Variants in MGAT5B observed in about 807,000 individuals in gnomAD.
MGAT5B encodes N-acetylglucosaminyl-transferase Vb.
MGAT5B carries 54 observed loss-of-function variants against 95.1 expected under a neutral mutation model. The ratio of observed to expected loss-of-function variants is 0.57; its 90% CI spans 0.46 to 0.71. The LOEUF is 0.71. Ranked by LOEUF, MGAT5B falls within the 30% of genes least tolerant of loss-of-function variation. MGAT5B has a pLI of 0.00. For synonymous variants in MGAT5B, 464 were observed against 451.0 expected (o/e 1.03, Z -0.36); for missense variants, 935 against 1,088.6 (o/e 0.86, Z 1.99).
chr17:76,900,530 G>A (rs1598928668), intron 3 of MGAT5B, among the ~76,000 whole-genome samples: 1 of 152,242 alleles, frequency 6.6e-6, no homozygotes, highest in African/African-American at 2.4e-5. Context: ...GTGTGAAGGC[G>A]GAGGCAGAGG....
chr17:76,942,892 G>C (rs766878911), intron 15 of MGAT5B, among the ~76,000 whole-genome samples: 6 of 152,178 alleles, frequency 3.9e-5, no homozygotes, highest in Non-Finnish European at 8.8e-5. Flanking sequence ...AATCCTCTAA[G>C]ACTTCTCCTG....
chr17:76,917,724 G>T lies in MGAT5B; in HGVS notation c.1026-7242G>T, dbSNP rs1386551187. Among the ~76,000 whole-genome samples the T allele has an allele frequency of 1.3e-5, 2 of 152,084 alleles. No homozygotes were observed. Among genetic ancestry groups the T allele is most frequent in the African/African-American group, 4.8e-5 (2 of 41,404 alleles). ...CTGCACAGGTTGGTTCTCAGCAAAGGTTGGTGGAACCGGATAGAATAGCAA... is the reference window on the plus strand; with the variant it reads ...CTGCACAGGTTGGTTCTCAGCAAAGTTTGGTGGAACCGGATAGAATAGCAA... On this transcript the variant is annotated intron_variant, in intron 8 of 17. Transcript: ENST00000569840. This position sits in a 1 kb window ranked among gnomAD's most constrained non-coding sequence, Gnocchi z 6.1.
At chr17:76,941,625 C>T (rs1051721757) in intron 15 of MGAT5B, among the ~76,000 whole-genome samples, 3 of 152,204 alleles carry the variant, frequency 2.0e-5, no homozygotes, top group African/African-American at 4.8e-5. Context: ...TTTGGGAGGC[C>T]GAGGCGGGCA....
At chr17:76,934,692 T>C (rs1245977037) in intron 12 of MGAT5B, among the ~76,000 whole-genome samples, 1 of 152,158 alleles carries the variant, frequency 6.6e-6, no homozygotes, top group Non-Finnish European at 1.5e-5. Context: ...TGAGAGGTTA[T>C]GAAGTCTGGA....
intron 2 of MGAT5B, among the ~76,000 whole-genome samples, chr17:76,874,470 A>T (rs996874310): frequency 6.6e-6 from 1 of 151,906 alleles, no homozygotes; most frequent in African/African-American, 2.4e-5. Flanking sequence ...GGCTGGTGGG[A>T]AAAGTGGTGC....
intron 12 of MGAT5B, among the ~76,000 whole-genome samples, chr17:76,934,433 G>C (rs1427622518): frequency 1.3e-5 from 2 of 152,226 alleles, no homozygotes; most frequent in Non-Finnish European, 2.9e-5. Context: ...AAGCCTTGGA[G>C]AATGGCAGAG....
rs931492929 is a variant in MGAT5B at position 76,916,619 on chromosome 17, C to T, written c.1026-8347C>T. Reference sequence around the variant, plus strand: ...TTCAAGACCAACCTGAGCAAGGAAACCTCATCTCTACAAGAAAAAACTCAG... The same window carrying T: ...TTCAAGACCAACCTGAGCAAGGAAATCTCATCTCTACAAGAAAAAACTCAG... On this transcript the variant is annotated intron_variant, in intron 8 of 17. Coordinates refer to ENST00000569840, the MANE Select transcript of MGAT5B (RefSeq NM_001199172.2). This position sits in a 1 kb window ranked among gnomAD's most constrained non-coding sequence, Gnocchi z 5.3. Among the ~76,000 whole-genome samples, 4 of 152,192 alleles carry T rather than the reference C, an allele frequency of 2.6e-5. No individual in the cohort carries two copies. The highest frequency in any genetic ancestry group is 2.6e-4 in the Admixed American group (4 of 15,270).
rs1455981930 is a variant in MGAT5B at position 76,949,260 on chromosome 17, C to T, written c.*422C>T. 1 of 195,116 alleles carries T rather than the reference C, an allele frequency of 5.1e-6. No homozygotes were observed. Among genetic ancestry groups the T allele is most frequent in the Non-Finnish European group, 1.1e-5 (1 of 94,748 alleles). 12.1% of individuals were successfully genotyped at this position (195,116 alleles called of 1,614,324 possible). ...GAGAGGAACAGGGACCAGGCTGCCC[C>T]ACGGTCCCTGAAGGGTCCAAGGAGG... is the stretch of plus-strand genomic sequence containing the variant. On this transcript the variant is annotated 3_prime_UTR_variant, in exon 18 of 18. Transcript: ENST00000569840.
intron 1 of MGAT5B, 144 bp from the exon 2 acceptor site, chr17:76,872,707 A>G: frequency 1.3e-6 from 2 of 1,547,440 alleles, no homozygotes; most frequent in Non-Finnish European, 1.7e-6. Flanking sequence ...CTGGGTCTGG[A>G]GCTCAGCCCC....
intron 2 of MGAT5B, among the ~76,000 whole-genome samples, chr17:76,874,974 C>T (rs916490195): frequency 7.2e-5 from 11 of 152,028 alleles, no homozygotes; most frequent in East Asian, 3.8e-4. Context: ...TGTGCGTGTA[C>T]GTGGTCTTAA....
chr17:76,913,629 A>G (rs750164869), intron 8 of MGAT5B: 2 of 484,948 alleles, frequency 4.1e-6, no homozygotes, highest in Non-Finnish European at 4.1e-6. Flanking sequence ...CTTGAGGGGC[A>G]CAGACTTGGG....
chr17:76,943,623 TG>T (rs367686326), intron 15 of MGAT5B, among the ~76,000 whole-genome samples: 3,724 of 75,454 alleles, frequency 0.049, 119 homozygotes, highest in African/African-American at 0.13. Context: ...TGGGGTGGGG[TG>T]GGGGGGGGGT....
Position 76,915,211 on chromosome 17 carries a change from A to T in MGAT5B, c.1025+9024A>T, listed in dbSNP as rs543999796. ...TAGGGAGGTTGTGGACATAGGAGGGAGAGAGTATTGCTGGCAGTGGCTTCA... is the reference window on the plus strand; with the variant it reads ...TAGGGAGGTTGTGGACATAGGAGGGTGAGAGTATTGCTGGCAGTGGCTTCA... On this transcript the variant is annotated intron_variant, in intron 8 of 17. Transcript: ENST00000569840. The surrounding 1 kb of genome is among the most constrained non-coding windows in gnomAD (Gnocchi z 8.7). 1.3e-5 allele frequency among the ~76,000 whole-genome samples: 2 copies of T among 149,710 alleles called. No individual in the cohort carries two copies. Among genetic ancestry groups the T allele is most frequent in the Admixed American group, 1.3e-4 (2 of 15,144 alleles).
At chr17:76,899,953 C>T (rs1039619275) in intron 3 of MGAT5B, among the ~76,000 whole-genome samples, 23 of 152,204 alleles carry the variant, frequency 1.5e-4, no homozygotes, top group African/African-American at 5.5e-4. Context: ...CCTGTGGCTG[C>T]TGCTTCAACC....
Position 76,905,951 on chromosome 17 carries a change from GC to G in MGAT5B, c.856-63del, listed in dbSNP as rs1256392190. The G allele has an allele frequency of 1.3e-6, 2 of 1,492,896 alleles. No homozygotes were observed. Among genetic ancestry groups the G allele is most frequent in the African/African-American group, 2.9e-5 (2 of 69,084 alleles). The allele number at this position is 1,492,896 out of a possible 1,614,324, so 92.5% of individuals were successfully genotyped here. Reference sequence around the variant, plus strand: ...GCTGCCGGCTGGTCTCCTGGCCGGTGCCCCGGGGGGGCGGGGCTCAGAGCTG... The same window carrying G: ...GCTGCCGGCTGGTCTCCTGGCCGGTGCCCGGGGGGGCGGGGCTCAGAGCTG... On this transcript the variant is annotated intron_variant, in intron 7 of 17. Coordinates refer to ENST00000569840, the MANE Select transcript of MGAT5B (RefSeq NM_001199172.2). The surrounding 1 kb of genome is among the most constrained non-coding windows in gnomAD (Gnocchi z 4.2).
chr17:76,900,416 A>G (rs1383177199), intron 3 of MGAT5B, among the ~76,000 whole-genome samples: 1 of 152,218 alleles, frequency 6.6e-6, no homozygotes, highest in South Asian at 2.1e-4. Context: ...AGATGTAATC[A>G]AATTAAGAGG....
chr17:76,919,336 A>G (rs1347091044), intron 8 of MGAT5B, among the ~76,000 whole-genome samples: 1 of 152,186 alleles, frequency 6.6e-6, no homozygotes, highest in Non-Finnish European at 1.5e-5. Flanking sequence ...GGGGAACGTG[A>G]CAGCTGGAGA....
chr17:76,933,525 G>A (rs767246155), intron 12 of MGAT5B, among the ~76,000 whole-genome samples: 6 of 152,182 alleles, frequency 3.9e-5, no homozygotes, highest in Non-Finnish European at 8.8e-5. Flanking sequence ...GGGAGGTCAA[G>A]GTCCTGCTTG....
rs746818440 is a variant in MGAT5B at position 76,903,287 on chromosome 17, TG to T, written c.446-15del. ...CCTTGGACCAGGGACTTCAGCAAGG[TG>T]ACCTCTCCCTACAGTGTCAGAAGGC... On this transcript the variant is annotated splice_polypyrimidine_tract_variant and intron_variant, in intron 4 of 17. Coordinates refer to ENST00000569840, the MANE Select transcript of MGAT5B (RefSeq NM_001199172.2). 2 of 1,603,566 alleles carry T rather than the reference TG, an allele frequency of 1.2e-6. No homozygotes were observed. Among genetic ancestry groups the T allele is most frequent in the Admixed American group, 3.4e-5 (2 of 59,004 alleles).
Sources: gnomAD v4.1 joint callset for allele counts (sites outside exome capture counted in the v4.1 genomes callset) on GRCh38, gnomAD v4.1.1 for gene constraint, Gnocchi (gnomAD v3.1) non-coding constraint, MANE v1.5 for transcripts, NCBI Gene and HGNC (gene_info 2026-07-23, HGNC 2026-07-21) for gene names.